Variants in MSRB3 observed in about 807,000 individuals in gnomAD.
The protein encoded by MSRB3 is methionine sulfoxide reductase B3, also known as methionine-R-sulfoxide reductase B3.
In MSRB3, 13 loss-of-function variants were observed where a neutral mutation model predicts 21.0. The observed-to-expected ratio is 0.62, with a 90% CI of 0.40 to 0.98. MSRB3 has a LOEUF of 0.98. Ranked by LOEUF, MSRB3 falls within the 50% of genes least tolerant of loss-of-function variation. MSRB3 has a pLI of 0.00. For missense variants in MSRB3, 199 were observed against 230.3 expected, an observed-to-expected ratio of 0.86 and a Z score of 0.88; for synonymous variants, 87 against 88.6, an observed-to-expected ratio of 0.98 and a Z score of 0.10.
chr12:65,393,591 A>G (rs1211726671), intron 5 of MSRB3, among the ~76,000 whole-genome samples: 1 of 144,696 alleles, frequency 6.9e-6, no homozygotes, highest in Non-Finnish European at 1.5e-5. Flanking sequence ...AGATCACGCC[A>G]CTGCACTCCA....
intron 5 of MSRB3, among the ~76,000 whole-genome samples, chr12:65,374,822 A>T (rs1376642299): frequency 6.6e-6 from 1 of 152,146 alleles, no homozygotes; most frequent in African/African-American, 2.4e-5. Context: ...TTAGCCTGAA[A>T]AATCAGGCAA....
At chr12:65,449,789 C>A (rs1882778901) in intron 5 of MSRB3, among the ~76,000 whole-genome samples, 1 of 152,206 alleles carries the variant, frequency 6.6e-6, no homozygotes, top group Admixed American at 6.5e-5. Context: ...AGCTGTATAG[C>A]AATTCTTGTT....
chr12:65,407,709 C>G (rs758073730), intron 5 of MSRB3, among the ~76,000 whole-genome samples: 21 of 152,098 alleles, frequency 1.4e-4, no homozygotes, highest in Non-Finnish European at 2.2e-4. Context: ...TAAAATTATC[C>G]CACAGTTCTT....
intron 4 of MSRB3, among the ~76,000 whole-genome samples, chr12:65,351,052 A>G (rs1876947895): frequency 6.6e-6 from 1 of 152,070 alleles, no homozygotes; most frequent in Non-Finnish European, 1.5e-5. Context: ...AATTGACCAC[A>G]TAGTTGGAAG....
intron 5 of MSRB3, among the ~76,000 whole-genome samples, chr12:65,371,797 T>C (rs1470832887): frequency 6.6e-6 from 1 of 152,200 alleles, no homozygotes; most frequent in African/African-American, 2.4e-5. Context: ...GTATACCAAA[T>C]GATTATCCTA....
chr12:65,294,102 G>A (rs1174853544), intron 1 of MSRB3, among the ~76,000 whole-genome samples: 2 of 152,158 alleles, frequency 1.3e-5, no homozygotes, highest in African/African-American at 4.8e-5. Flanking sequence ...TAGGTTAGCT[G>A]TCTTTTTCAA....
intron 6 of MSRB3, among the ~76,000 whole-genome samples, chr12:65,461,872 C>A (rs1883346325): frequency 6.6e-6 from 1 of 152,226 alleles, no homozygotes; most frequent in Non-Finnish European, 1.5e-5. Flanking sequence ...AGATACACTT[C>A]TTCCAGGTCC....
chr12:65,346,405 A>G (rs143665424), intron 4 of MSRB3, among the ~76,000 whole-genome samples: 7,765 of 152,094 alleles, frequency 0.051, 655 homozygotes, highest in African/African-American at 0.18. Context: ...GTCTGTTCAT[A>G]TCCTTCACCC....
At chr12:65,349,657 C>T (rs939543791) in intron 4 of MSRB3, among the ~76,000 whole-genome samples, 4 of 147,526 alleles carry the variant, frequency 2.7e-5, no homozygotes, top group African/African-American at 1.1e-4. Context: ...CTCTGATGGC[C>T]AGTGATGGTG....
chr12:65,287,249 A>T (rs1304606981), intron 1 of MSRB3, among the ~76,000 whole-genome samples: 1 of 150,150 alleles, frequency 6.7e-6, no homozygotes, highest in Non-Finnish European at 1.5e-5. Flanking sequence ...CAGCCTCCTG[A>T]GTAGCTAGGA....
intron 4 of MSRB3, among the ~76,000 whole-genome samples, chr12:65,364,595 C>T (rs1877899662): frequency 6.6e-6 from 1 of 152,136 alleles, no homozygotes; most frequent in Non-Finnish European, 1.5e-5. Context: ...AATGAATGAC[C>T]ATCCTTCTTT....
intron 5 of MSRB3, among the ~76,000 whole-genome samples, chr12:65,426,439 G>T (rs951300742): frequency 6.6e-6 from 1 of 152,088 alleles, no homozygotes; most frequent in African/African-American, 2.4e-5. Flanking sequence ...TCCCTTAAAT[G>T]TGATTGCTTC....
In MSRB3 at chr12:65,433,311, G is replaced by C. The variant is rs1330274557; in HGVS notation, c.293-20417G>C. Among the ~76,000 whole-genome samples, 6 of 151,718 alleles carry C rather than the reference G, an allele frequency of 4.0e-5. No homozygotes were observed. In the East Asian group the frequency reaches 1.2e-3, roughly 29 times the overall value. ...ATATTCTGTTAAAATTTTCTTTAGA[G>C]TGTGAAGTATTTGTGGTTTGATTTC... On this transcript the variant is annotated intron_variant, in intron 5 of 6. Transcript: ENST00000308259.
chr12:65,462,097 A>G (rs1034024103), intron 6 of MSRB3, among the ~76,000 whole-genome samples: 2 of 152,216 alleles, frequency 1.3e-5, no homozygotes, highest in Admixed American at 6.5e-5. Flanking sequence ...AGTGCCTGGC[A>G]TATAGCAGGC....
intron 1 of MSRB3, chr12:65,306,978 A>T (rs1220977371): frequency 1.0e-6 from 1 of 985,746 alleles, no homozygotes; most frequent in East Asian, 1.1e-4. Flanking sequence ...GAATAGGAAG[A>T]CGTTTTATGG....
intron 4 of MSRB3, among the ~76,000 whole-genome samples, chr12:65,355,989 T>C (rs1399541049): frequency 6.6e-6 from 1 of 151,950 alleles, no homozygotes; most frequent in African/African-American, 2.4e-5. Flanking sequence ...GAGCACTCCA[T>C]AAATGCTCTT....
At chr12:65,438,736 G>A (rs1226442886) in intron 5 of MSRB3, among the ~76,000 whole-genome samples, 2 of 151,774 alleles carry the variant, frequency 1.3e-5, no homozygotes, top group African/African-American at 4.8e-5. Context: ...GGAGGATATA[G>A]CATCTTGATA....
intron 4 of MSRB3, among the ~76,000 whole-genome samples, chr12:65,363,942 T>A (rs1026372389): frequency 6.6e-6 from 1 of 152,142 alleles, no homozygotes; most frequent in African/African-American, 2.4e-5. Context: ...GCTCATAACA[T>A]GTTCCTGGGC....
At chr12:65,351,575 T>A (rs1255329590) in intron 4 of MSRB3, among the ~76,000 whole-genome samples, 5 of 148,346 alleles carry the variant, frequency 3.4e-5, no homozygotes, top group Non-Finnish European at 5.9e-5. Context: ...GCAAGACTAA[T>A]AAAGAAAAAA....
Sources: allele counts gnomAD v4.1 joint callset (sites outside exome capture counted in the v4.1 genomes callset), GRCh38; gene constraint gnomAD v4.1.1; transcripts MANE v1.5; gene names NCBI Gene and HGNC (gene_info 2026-07-23, HGNC 2026-07-21).